Variants in NUDCD3 observed in about 807,000 individuals in gnomAD.
NUDCD3 encodes the protein NudC domain containing 3.
In NUDCD3, 13 loss-of-function variants were observed where a neutral mutation model predicts 39.7. The observed-to-expected ratio is 0.33, with a 90% CI of 0.21 to 0.52. The LOEUF is 0.52. NUDCD3 is among the 20% of genes least tolerant of loss of function. The pLI is 0.96. For missense variants in NUDCD3, 453 were observed against 458.1 expected, an observed-to-expected ratio of 0.99 and a Z score of 0.10; for synonymous variants, 175 against 172.4, an observed-to-expected ratio of 1.02 and a Z score of -0.12.
chr7:44,438,970 T>C (rs1799519966), intron 2 of NUDCD3, among the ~76,000 whole-genome samples: 1 of 152,102 alleles, frequency 6.6e-6, no homozygotes, highest in Non-Finnish European at 1.5e-5. Flanking sequence ...GAACAGAAGT[T>C]CTTGCTACAC....
At chr7:44,450,637 G>A (rs1799777822) in intron 2 of NUDCD3, among the ~76,000 whole-genome samples, 1 of 151,420 alleles carries the variant, frequency 6.6e-6, no homozygotes, top group African/African-American at 2.4e-5. Flanking sequence ...AAACAAAAAT[G>A]TTAATTAAAA....
intron 3 of NUDCD3, among the ~76,000 whole-genome samples, chr7:44,414,932 T>C (rs1030450224): frequency 7.9e-5 from 12 of 152,128 alleles, no homozygotes; most frequent in Admixed American, 5.9e-4. Context: ...TTCCAAAAGG[T>C]ACCCAAGGTG....
At chr7:44,446,884 T>C (rs1440072491) in intron 2 of NUDCD3, among the ~76,000 whole-genome samples, 1 of 152,218 alleles carries the variant, frequency 6.6e-6, no homozygotes, top group Non-Finnish European at 1.5e-5. Context: ...AGTAAAACAA[T>C]GCCTCAGAAA....
intron 3 of NUDCD3, among the ~76,000 whole-genome samples, chr7:44,412,768 A>G (rs1798952217): frequency 2.0e-5 from 3 of 152,060 alleles, no homozygotes; most frequent in African/African-American, 7.2e-5. Context: ...TCTACTAAAT[A>G]TACAAAAAAT....
chr7:44,403,036 G>A, intron 4 of NUDCD3: 1 of 181,168 alleles, frequency 5.5e-6, no homozygotes, highest in Non-Finnish European at 1.2e-5. Flanking sequence ...GTGTCATAAT[G>A]CACAGGCTTT....
rs1392887525 is a variant in NUDCD3 at position 44,383,246 on chromosome 7, T to C, written c.*2765A>G. 2 of 152,292 alleles carry C rather than the reference T, an allele frequency of 1.3e-5. No individual in the cohort carries two copies. Among genetic ancestry groups the C allele is most frequent in the African/African-American group, 2.4e-5 (1 of 41,466 alleles). 9.4% of individuals were successfully genotyped at this position (152,292 alleles called of 1,614,324 possible). A position where few individuals can be genotyped will look rare whatever the true frequency, so the allele number is the denominator to read the frequency against. On this transcript the variant is annotated 3_prime_UTR_variant, in exon 6 of 6. Transcript: ENST00000355451. Reference sequence around the variant, plus strand: ...ATGCACCTGGAGACCAAGGAGGGCCTTGGAGCCTGGTGGGCAAAGGTGGCC... The same window carrying C: ...ATGCACCTGGAGACCAAGGAGGGCCCTGGAGCCTGGTGGGCAAAGGTGGCC...
intron 5 of NUDCD3, among the ~76,000 whole-genome samples, chr7:44,387,338 T>C (rs1798418084): frequency 6.6e-6 from 1 of 152,160 alleles, no homozygotes; most frequent in South Asian, 2.1e-4. Context: ...ATTTTCTTTT[T>C]TTAAGACCTA....
intron 5 of NUDCD3, among the ~76,000 whole-genome samples, chr7:44,390,758 G>A (rs1222070587): frequency 6.6e-6 from 1 of 152,114 alleles, no homozygotes; most frequent in Admixed American, 6.5e-5. Flanking sequence ...ACCATGAGAA[G>A]CCCTACCCAC....
intron 5 of NUDCD3, among the ~76,000 whole-genome samples, chr7:44,391,638 C>T (rs916736864): frequency 3.9e-5 from 6 of 152,184 alleles, no homozygotes; most frequent in East Asian, 1.9e-4. Context: ...CCCAAACCCA[C>T]GTGCTGGGTA....
chr7:44,441,261 C>A (rs1799579054), intron 2 of NUDCD3, among the ~76,000 whole-genome samples: 1 of 152,294 alleles, frequency 6.6e-6, no homozygotes, highest in East Asian at 1.9e-4. Flanking sequence ...ATGTGGAGGG[C>A]ACTGTCATGT....
At chr7:44,394,809 A>C (rs930370829) in intron 4 of NUDCD3, among the ~76,000 whole-genome samples, 1 of 152,172 alleles carries the variant, frequency 6.6e-6, no homozygotes, top group Admixed American at 6.5e-5. Flanking sequence ...CATCCAGGGG[A>C]CGGTGCTGGT....
At chr7:44,387,527 T>C (rs1386311245) in intron 5 of NUDCD3, among the ~76,000 whole-genome samples, 4 of 152,206 alleles carry the variant, frequency 2.6e-5, no homozygotes, top group East Asian at 1.9e-4. Context: ...GAAGCCCCTC[T>C]GCACAGCCTC....
Position 44,468,645 on chromosome 7 carries a change from C to T in NUDCD3, c.509+16323G>A, listed in dbSNP as rs554149078. On this transcript the variant is annotated intron_variant, in intron 2 of 5. Transcript: ENST00000355451. ...ACTGGGAGAGTCTAGAAGCCTGACACCACAGCACCAACTAACACAGCAGGC... is the reference window on the plus strand; with the variant it reads ...ACTGGGAGAGTCTAGAAGCCTGACATCACAGCACCAACTAACACAGCAGGC... Among the ~76,000 whole-genome samples, 15 of 152,310 alleles carry T rather than the reference C, an allele frequency of 9.8e-5. No individual in the cohort carries two copies. The South Asian group carries it at 2.5e-3, about 25-fold the overall frequency.
Position 44,426,567 on chromosome 7 carries a change from C to T in NUDCD3, c.642+1004G>A, listed in dbSNP as rs1159197659. ...ATCCCAGCACTTTGGGAGGCCGAGG[C>T]GGGCGGATCACGAGGTCAGGAGATC... On this transcript the variant is annotated intron_variant, in intron 3 of 5. Transcript: ENST00000355451. Among the ~76,000 whole-genome samples the T allele has an allele frequency of 4.6e-5, 7 of 152,014 alleles. 1 individual carries two copies. The highest frequency in any genetic ancestry group is 3.3e-4 in the Admixed American group (5 of 15,264).
At position 44,386,139 on chromosome 7, in the gene NUDCD3, A is replaced by G; in HGVS notation, c.976-18T>C. 6.2e-7 allele frequency: 1 copy of G among 1,613,736 alleles called. No individual in the cohort carries two copies. Among genetic ancestry groups the G allele is most frequent in the South Asian group, 1.1e-5 (1 of 91,070 alleles). Reference sequence around the variant, plus strand: ...TGGACTTTCTACAAACAGAAAATAGAGAGATTAAAGGGGATCACAACGCAC... The same window carrying G: ...TGGACTTTCTACAAACAGAAAATAGGGAGATTAAAGGGGATCACAACGCAC... On this transcript the variant is annotated intron_variant, in intron 5 of 5. Transcript: ENST00000355451.
intron 5 of NUDCD3, among the ~76,000 whole-genome samples, chr7:44,390,710 G>A (rs1242084020): frequency 6.6e-6 from 1 of 152,200 alleles, no homozygotes; most frequent in East Asian, 1.9e-4. Flanking sequence ...TATGGGCACA[G>A]AGTGGGCAGA....
chr7:44,481,095 G>T (rs1468438860), intron 2 of NUDCD3, among the ~76,000 whole-genome samples: 1 of 151,882 alleles, frequency 6.6e-6, no homozygotes, highest in Non-Finnish European at 1.5e-5. Context: ...TTGTATTAGG[G>T]ATTGTAAGTA....
intron 3 of NUDCD3, 29 bp from the exon 4 acceptor site, chr7:44,404,612 C>T (rs1798783175): frequency 6.2e-7 from 1 of 1,609,958 alleles, no homozygotes; most frequent in Non-Finnish European, 8.5e-7. Context: ...AAAATCATCT[C>T]TCCTATCAGG....
intron 3 of NUDCD3, among the ~76,000 whole-genome samples, chr7:44,406,883 A>C (rs566428092): frequency 1.3e-5 from 2 of 152,298 alleles, no homozygotes; most frequent in East Asian, 3.9e-4. Flanking sequence ...GACATCCAGA[A>C]GCCACAGCTA....
Sources: gnomAD v4.1 joint callset for allele counts (sites outside exome capture counted in the v4.1 genomes callset) on GRCh38, gnomAD v4.1.1 for gene constraint, MANE v1.5 for transcripts, NCBI Gene and HGNC (gene_info 2026-07-23, HGNC 2026-07-21) for gene names.